The following PAQR8 variants were observed in gnomAD, a reference collection of about 807,000 sequenced individuals.
PAQR8 encodes the protein progestin and adipoQ receptor family member 8, also known as membrane progestin receptor beta.
In PAQR8, 17 loss-of-function variants were observed where a neutral mutation model predicts 25.2. That is an observed-to-expected ratio of 0.67 (90% CI 0.46 to 1.01). The LOEUF (loss-of-function observed/expected upper bound fraction) is 1.01. PAQR8 is among the 50% of genes least tolerant of loss of function. The probability of loss-of-function intolerance (pLI) is 0.00; values close to 1 mark genes in which losing one functional copy is unlikely to be tolerated. For synonymous variants in PAQR8, 204 were observed against 190.6 expected (o/e 1.07, Z -0.58); for missense variants, 392 against 448.4 (o/e 0.87, Z 1.14).
At chr6:52,375,921 T>A (rs1763480271) in intron 1 of PAQR8, among the ~76,000 whole-genome samples, 1 of 152,236 alleles carries the variant, frequency 6.6e-6, no homozygotes, top group African/African-American at 2.4e-5. Context: ...TCAGTAAGAC[T>A]AAATCAAATC....
Position 52,406,574 on chromosome 6 carries a change from T to C in PAQR8, c.*2296T>C. The stretch of plus-strand genomic sequence containing the variant: ...GGTTGGAAATTTTTTTTTTAATCTC[T>C]TTTTCTGAGACAGGGTCTTACTCTG... On this transcript the variant is annotated 3_prime_UTR_variant, in exon 2 of 2. Coordinates refer to ENST00000442253, the MANE Select transcript of PAQR8 (RefSeq NM_133367.5). 2 of 413,384 alleles carry C rather than the reference T, an allele frequency of 4.8e-6. No homozygotes were observed. Among genetic ancestry groups the C allele is most frequent in the Non-Finnish European group, 4.4e-6 (1 of 226,132 alleles). 25.6% of individuals were successfully genotyped at this position (413,384 alleles called of 1,614,324 possible).
chr6:52,402,154 A>G (rs962270905), intron 1 of PAQR8, among the ~76,000 whole-genome samples: 1 of 152,110 alleles, frequency 6.6e-6, no homozygotes, highest in Non-Finnish European at 1.5e-5. Context: ...ATTTGAGGTT[A>G]GAAGTTCGAG....
chr6:52,398,974 G>A (rs1270438556), intron 1 of PAQR8, among the ~76,000 whole-genome samples: 3 of 151,166 alleles, frequency 2.0e-5, no homozygotes, highest in African/African-American at 7.4e-5. Context: ...GGACTCTCAG[G>A]TTCCTTTGTG....
chr6:52,389,926 G>A (rs1581794682), intron 1 of PAQR8, among the ~76,000 whole-genome samples: 1 of 152,188 alleles, frequency 6.6e-6, no homozygotes, highest in Admixed American at 6.5e-5. Context: ...CTAGTTGAGA[G>A]GTTGCCTGAC....
At chr6:52,391,366 T>A (rs1189646232) in intron 1 of PAQR8, among the ~76,000 whole-genome samples, 1 of 152,238 alleles carries the variant, frequency 6.6e-6, no homozygotes, top group Non-Finnish European at 1.5e-5. Flanking sequence ...TTTATAGATT[T>A]ATCTTAATTT....
At chr6:52,366,983 A>C (rs887237204) in intron 1 of PAQR8, among the ~76,000 whole-genome samples, 8 of 152,020 alleles carry the variant, frequency 5.3e-5, no homozygotes, top group Non-Finnish European at 1.0e-4. Flanking sequence ...TGACCTCGTG[A>C]TCTGCCCATC....
chr6:52,383,063 A>G (rs1178130553), intron 1 of PAQR8, among the ~76,000 whole-genome samples: 1 of 152,254 alleles, frequency 6.6e-6, no homozygotes, highest in East Asian at 1.9e-4. Flanking sequence ...GGTGTGAGCC[A>G]CTATGCCCAG....
chr6:52,404,925 T>C lies in PAQR8; in HGVS notation c.*647T>C, dbSNP rs1581800374. On this transcript the variant is annotated 3_prime_UTR_variant, in exon 2 of 2. Transcript: ENST00000442253. The stretch of plus-strand genomic sequence containing the variant: ...CACATCCCTACCTTGCATGGTAATA[T>C]AAAGGACTAGGAAGCAGTCATACTT... 1 of 167,232 alleles carries C rather than the reference T, an allele frequency of 6.0e-6. No individual in the cohort carries two copies. The highest frequency in any genetic ancestry group is 1.9e-4 in the East Asian group (1 of 5,194). 10.4% of individuals were successfully genotyped at this position (167,232 alleles called of 1,614,324 possible).
chr6:52,367,677 A>G (rs1763369320), intron 1 of PAQR8, among the ~76,000 whole-genome samples: 1 of 152,216 alleles, frequency 6.6e-6, no homozygotes, highest in Non-Finnish European at 1.5e-5. Context: ...CCAGACAGCT[A>G]AGTGTACTCT....
rs1033091061 is a variant in PAQR8 at position 52,404,182 on chromosome 6, C to G, written c.969C>G (p.Ala323=). 8 of 1,613,950 alleles carry G rather than the reference C, an allele frequency of 5.0e-6. No individual in the cohort carries two copies. Among genetic ancestry groups the G allele is most frequent in the Non-Finnish European group, 6.8e-6 (8 of 1,179,958 alleles). Residue 323 remains alanine, a synonymous_variant, in exon 2 of 2, where the codon GCC becomes GCG. Coordinates refer to ENST00000442253, the MANE Select transcript of PAQR8 (RefSeq NM_133367.5). The part of the protein sequence containing the change: ...QRHGPLSVHM[A]CLSFFFLAAC... ...ATGGACCCCTATCTGTCCACATGGC[C>G]TGCCTCTCCTTCTTCTTCCTGGCTG...
At chr6:52,393,806 C>G (rs563373734) in intron 1 of PAQR8, among the ~76,000 whole-genome samples, 4 of 152,232 alleles carry the variant, frequency 2.6e-5, no homozygotes, top group African/African-American at 9.6e-5. Flanking sequence ...AAGGAAAGTC[C>G]TATAATGAAG....
chr6:52,391,373 A>T (rs1453392917), intron 1 of PAQR8, among the ~76,000 whole-genome samples: 1 of 152,216 alleles, frequency 6.6e-6, no homozygotes, highest in African/African-American at 2.4e-5. Flanking sequence ...ATTTATCTTA[A>T]TTTACACAAT....
At chr6:52,391,022 G>T (rs1446772621) in intron 1 of PAQR8, among the ~76,000 whole-genome samples, 1 of 152,148 alleles carries the variant, frequency 6.6e-6, no homozygotes, top group African/African-American at 2.4e-5. Context: ...ATTTCCAGAA[G>T]AAAAGTAAAA....
At chr6:52,389,400 A>G (rs1230230767) in intron 1 of PAQR8, among the ~76,000 whole-genome samples, 1 of 152,222 alleles carries the variant, frequency 6.6e-6, no homozygotes, top group East Asian at 1.9e-4. Flanking sequence ...TCCTGTCTCC[A>G]GAGGCTTGCA....
intron 1 of PAQR8, among the ~76,000 whole-genome samples, chr6:52,379,144 T>C (rs1307951321): frequency 2.1e-5 from 3 of 145,474 alleles, no homozygotes; most frequent in Non-Finnish European, 3.0e-5. Context: ...TGCTATGACA[T>C]GGATGACCCT....
intron 1 of PAQR8, among the ~76,000 whole-genome samples, chr6:52,399,282 G>T (rs987814706): frequency 8.5e-5 from 13 of 152,174 alleles, no homozygotes; most frequent in African/African-American, 2.9e-4. Flanking sequence ...AGAAATAGAA[G>T]GAACTGTCAG....
Position 52,398,204 on chromosome 6 carries a change from CTTTTTTTT to C in PAQR8, c.-52-4946_-52-4939del, listed in dbSNP as rs869285681. On this transcript the variant is annotated intron_variant, in intron 1 of 1. Transcript: ENST00000442253. The stretch of plus-strand genomic sequence containing the variant: ...GTTTAGAATTTTTCTTTTCTTTTTT[CTTTTTTTT>C]TTTTTTTTTTTGAGGCAGAGTTTCA... Among the ~76,000 whole-genome samples the C allele has an allele frequency of 2.3e-4, 20 of 85,818 alleles. No homozygotes were observed. In the South Asian group the frequency reaches 2.5e-3, roughly 11 times the overall value. The allele number at this position is 85,818 out of a possible 152,430, so 56.3% of individuals were successfully genotyped here.
chr6:52,399,270 T>C (rs1447601817), intron 1 of PAQR8, among the ~76,000 whole-genome samples: 1 of 152,222 alleles, frequency 6.6e-6, no homozygotes, highest in East Asian at 1.9e-4. Flanking sequence ...GCTGGTGATA[T>C]GAGAAATAGA....
intron 1 of PAQR8, among the ~76,000 whole-genome samples, chr6:52,380,595 T>C (rs978056565): frequency 1.3e-5 from 2 of 152,236 alleles, no homozygotes; most frequent in Non-Finnish European, 2.9e-5. Flanking sequence ...ATTTGCATGT[T>C]GTTGTTTGTC....
Sources: allele counts gnomAD v4.1 joint callset (sites outside exome capture counted in the v4.1 genomes callset), GRCh38; gene constraint gnomAD v4.1.1; transcripts MANE v1.5; gene names NCBI Gene and HGNC (gene_info 2026-07-23, HGNC 2026-07-21).